The following TRPM3 variants were observed in gnomAD, a reference collection of about 807,000 sequenced individuals.
The protein encoded by TRPM3 is transient receptor potential cation channel subfamily M member 3.
TRPM3 carries 77 observed loss-of-function variants against 181.2 expected under a neutral mutation model. The observed-to-expected ratio is 0.42, with a 90% CI of 0.35 to 0.51. The LOEUF (loss-of-function observed/expected upper bound fraction) is 0.51. Ranked by LOEUF, TRPM3 falls within the 20% of genes least tolerant of loss-of-function variation. The pLI is 0.01. For missense variants in TRPM3, 1,759 were observed against 2,196.7 expected (o/e 0.80, Z 3.98); for synonymous variants, 745 against 796.4 (o/e 0.94, Z 1.09).
rs149226786 is a variant in TRPM3, at chr9:70,933,214, G to A, written c.178-68703C>T. Among the ~76,000 whole-genome samples, 665 of 152,202 alleles carry A rather than the reference G, an allele frequency of 4.4e-3. 6 individuals are homozygous for A. Among genetic ancestry groups the A allele is most frequent in the Non-Finnish European group, 6.6e-3 (452 of 68,002 alleles). Reference sequence around the variant, plus strand: ...GGTAGAGATATCTAGGAGACAGTTGGGTGTGTGATACGGACCTAGAAAAAG... The same window carrying A: ...GGTAGAGATATCTAGGAGACAGTTGAGTGTGTGATACGGACCTAGAAAAAG... On this transcript the variant is annotated intron_variant, in intron 1 of 25. Coordinates refer to ENST00000677713, the MANE Select transcript of TRPM3 (RefSeq NM_001366145.2).
intron 1 of TRPM3, among the ~76,000 whole-genome samples, chr9:71,150,367 C>G (rs1033290049): frequency 4.6e-5 from 7 of 151,856 alleles, no homozygotes; most frequent in Admixed American, 4.6e-4. Context: ...AAAAACTGAC[C>G]CAGATGAGCA....
intron 1 of TRPM3, among the ~76,000 whole-genome samples, chr9:71,371,397 C>G (rs1046383936): frequency 1.3e-5 from 2 of 151,988 alleles, no homozygotes; most frequent in Non-Finnish European, 2.9e-5. Flanking sequence ...GCAACCTTAA[C>G]AAGAGTTTGG....
intron 1 of TRPM3, among the ~76,000 whole-genome samples, chr9:71,092,122 C>T (rs1369819858): frequency 1.3e-5 from 2 of 152,082 alleles, no homozygotes; most frequent in African/African-American, 4.8e-5. Context: ...CAGCCTCTGA[C>T]AGAGATACTT....
intron 1 of TRPM3, among the ~76,000 whole-genome samples, chr9:71,073,379 A>G (rs924467390): frequency 1.3e-5 from 2 of 152,334 alleles, no homozygotes; most frequent in South Asian, 2.1e-4. Flanking sequence ...TTCAAACTAC[A>G]TAGTAAAAGG....
chr9:71,223,225 CAGA>C (rs1397596302), intron 1 of TRPM3, among the ~76,000 whole-genome samples: 2 of 152,122 alleles, frequency 1.3e-5, no homozygotes, highest in African/African-American at 4.8e-5. Context: ...GGCTCAGCTA[CAGA>C]AGGACAGGGC....
At chr9:70,944,397 A>G (rs2096913244) in intron 1 of TRPM3, among the ~76,000 whole-genome samples, 1 of 152,190 alleles carries the variant, frequency 6.6e-6, no homozygotes, top group South Asian at 2.1e-4. Flanking sequence ...TTTAGACAGC[A>G]GAGCCTATAT....
intron 1 of TRPM3, among the ~76,000 whole-genome samples, chr9:71,318,114 GA>G (rs1294018356): frequency 6.6e-6 from 1 of 151,970 alleles, no homozygotes; most frequent in Non-Finnish European, 1.5e-5. Context: ...ATACAGTGGG[GA>G]AAAAAATAAA....
chr9:70,599,726 A>G (rs1244433796), intron 20 of TRPM3, among the ~76,000 whole-genome samples: 1 of 152,180 alleles, frequency 6.6e-6, no homozygotes, highest in East Asian at 1.9e-4. Flanking sequence ...TGATTACTTT[A>G]GCTGCAGCTG....
intron 8 of TRPM3, among the ~76,000 whole-genome samples, chr9:70,755,852 C>G (rs2076993509): frequency 6.6e-6 from 1 of 152,182 alleles, no homozygotes; most frequent in South Asian, 2.1e-4. Flanking sequence ...AAAACCAGTA[C>G]TAGCCACTGC....
At chr9:70,669,839 C>T (rs1590062609) in intron 9 of TRPM3, among the ~76,000 whole-genome samples, 2 of 150,936 alleles carry the variant, frequency 1.3e-5, no homozygotes, top group Admixed American at 6.6e-5. Flanking sequence ...TGGGCTCAAG[C>T]GATCCTTTCA....
At chr9:71,258,818 A>T (rs1337202009) in intron 1 of TRPM3, among the ~76,000 whole-genome samples, 2 of 152,196 alleles carry the variant, frequency 1.3e-5, no homozygotes, top group African/African-American at 2.4e-5. Context: ...TTGCCCTCTT[A>T]AAAGTTATAG....
At position 71,004,141 on chromosome 9, in the gene TRPM3, GC is replaced by G. The variant is rs1203219099; in HGVS notation, c.177+117036del. 2.0e-5 allele frequency among the ~76,000 whole-genome samples: 3 copies of G among 152,350 alleles called. No homozygotes were observed. The East Asian group carries it at 5.8e-4, about 29-fold the overall frequency. On this transcript the variant is annotated intron_variant, in intron 1 of 25. Transcript: ENST00000677713. ...GCAGTAACTGATGTGCAGGGTAGCT[GC>G]CCTATGCTCTGATCAGTGGAGAGGT... is the stretch of plus-strand genomic sequence containing the variant.
In TRPM3 at chr9:70,635,163, G is replaced by A; in HGVS notation, c.1632+48C>T. On this transcript the variant is annotated intron_variant, in intron 12 of 25. Coordinates refer to ENST00000677713, the MANE Select transcript of TRPM3 (RefSeq NM_001366145.2). The stretch of plus-strand genomic sequence containing the variant: ...AAACAGAGGCACTCTCTAATCACAG[G>A]AAGCAGTCAAGACAGGGCCTCCGAC... The A allele has an allele frequency of 2.6e-6, 4 of 1,559,870 alleles. No homozygotes were observed. The Middle Eastern group carries it at 5.0e-4, about 197-fold the overall frequency.
chr9:70,846,524 A>G lies in TRPM3; in HGVS notation c.530T>C (p.Leu177Ser), dbSNP rs941759168. The change falls in exon 4 of 26, where the codon TTG becomes TCG. Residue 177 changes from leucine to serine, a missense_variant. Leu to Ser is a moderately radical substitution (Grantham distance 145). Coordinates refer to ENST00000677713, the MANE Select transcript of TRPM3 (RefSeq NM_001366145.2). The stretch of plus-strand genomic sequence containing the variant: ...AGAGATGAGAAGCTTGGGAAGCTCC[A>G]ACTGCCATTCCTTGGTCATCAGGTG... ...LLHLMTKEWQ[L>S]ELPKLLISVH... The G allele has an allele frequency of 6.2e-7, 1 of 1,614,046 alleles. No individual in the cohort carries two copies. The highest frequency in any genetic ancestry group is 1.3e-5 in the African/African-American group (1 of 74,912).
At chr9:70,738,889 A>C (rs2073371782) in intron 8 of TRPM3, among the ~76,000 whole-genome samples, 1 of 152,160 alleles carries the variant, frequency 6.6e-6, no homozygotes, top group South Asian at 2.1e-4. Context: ...GAGATGGATA[A>C]ATTTCTGAAA....
At chr9:71,363,660 C>T (rs2092237616) in intron 1 of TRPM3, among the ~76,000 whole-genome samples, 1 of 152,166 alleles carries the variant, frequency 6.6e-6, no homozygotes, top group Non-Finnish European at 1.5e-5. Context: ...TCTAAGCTAA[C>T]TCATTCTCAC....
upstream of TRPM3, among the ~76,000 whole-genome samples, chr9:71,126,369 T>C (rs191269470): frequency 2.6e-5 from 4 of 152,318 alleles, no homozygotes; most frequent in East Asian, 7.7e-4. Context: ...AAATCATTTG[T>C]CTCATGAACT....
chr9:70,919,326 C>T lies in TRPM3; in HGVS notation c.178-54815G>A, dbSNP rs80162677. Among the ~76,000 whole-genome samples the T allele has an allele frequency of 6.6e-3, 999 of 152,272 alleles. 17 individuals carry two copies. The highest frequency in any genetic ancestry group is 0.023 in the African/African-American group (961 of 41,546). On this transcript the variant is annotated intron_variant, in intron 1 of 25. Transcript: ENST00000677713. Reference sequence around the variant, plus strand: ...TACAGTCAGTCAAACTGAGCCTTGTCCTAGAAATGTGCCCTGCCTCAGCAA... The same window carrying T: ...TACAGTCAGTCAAACTGAGCCTTGTTCTAGAAATGTGCCCTGCCTCAGCAA...
At chr9:71,425,531 TAGAAGATC>T (rs1356468961) in intron 1 of TRPM3, among the ~76,000 whole-genome samples, 1 of 152,142 alleles carries the variant, frequency 6.6e-6, no homozygotes, top group Non-Finnish European at 1.5e-5. Context: ...GAAAATACAT[TAGAAGATC>T]AGTCCATTTC....
Sources: allele counts gnomAD v4.1 joint callset (sites outside exome capture counted in the v4.1 genomes callset), GRCh38; gene constraint gnomAD v4.1.1; transcripts MANE v1.5; gene names NCBI Gene and HGNC (gene_info 2026-07-23, HGNC 2026-07-21).